Variants in PSG7 observed in about 807,000 individuals in gnomAD.
The protein encoded by PSG7 is pregnancy specific beta-1-glycoprotein 7.
PSG7 carries 57 observed loss-of-function variants against 45.6 expected under a neutral mutation model. The observed-to-expected ratio is 1.25, with a 90% confidence interval of 1.01 to 1.56. The LOEUF (loss-of-function observed/expected upper bound fraction) is 1.56. PSG7 is among the 40% of genes most tolerant of loss of function. PSG7 has a pLI of 0.00. For synonymous variants in PSG7, 298 were observed against 194.4 expected (o/e 1.53, Z -4.43); for missense variants, 796 against 508.4 (o/e 1.57, Z -5.44).
intron 2 of PSG7, among the ~76,000 whole-genome samples, chr19:42,931,465 A>G (rs1247866738): frequency 6.6e-6 from 1 of 151,622 alleles, no homozygotes; most frequent in Non-Finnish European, 1.5e-5. Flanking sequence ...GTGTTATGTT[A>G]GTAAATATAG....
intron 2 of PSG7, among the ~76,000 whole-genome samples, chr19:42,931,082 G>T (rs535714430): frequency 2.0e-5 from 3 of 151,444 alleles, no homozygotes; most frequent in African/African-American, 7.3e-5. Context: ...TTCTGGATTT[G>T]GGATGCTCAA....
At chr19:42,935,825 G>A (rs1156780421) in intron 1 of PSG7, 56 bp from the exon 2 acceptor site, 18 of 1,550,018 alleles carry the variant, frequency 1.2e-5, no homozygotes, top group Non-Finnish European at 1.5e-5. Flanking sequence ...GGGTTGAAAA[G>A]ATGGGCCCCT....
chr19:42,926,220 C>T (rs1972884163), intron 4 of PSG7, 193 bp from the exon 5 acceptor site: 4 of 1,387,754 alleles, frequency 2.9e-6, no homozygotes, highest in Non-Finnish European at 3.9e-6. Context: ...GGCCCCAAGT[C>T]TCCCATGACA....
intron 3 of PSG7, chr19:42,927,283 T>A (rs1341899605): frequency 1.3e-5 from 2 of 159,828 alleles, no homozygotes; most frequent in East Asian, 3.5e-4. Flanking sequence ...AGTTCAGTCA[T>A]CAGGCAGTGG....
chr19:42,933,303 A>ATTTTTTTTTTT (rs1418931958), intron 2 of PSG7, among the ~76,000 whole-genome samples: 3 of 14,846 alleles, frequency 2.0e-4, no homozygotes, highest in African/African-American at 3.5e-4. Context: ...ATATATATAT[A>ATTTTTTTTTTT]TATATTTTTT....
chr19:42,926,049 C>T, intron 4 of PSG7, 22 bp from the exon 5 acceptor site: 2 of 1,608,636 alleles, frequency 1.2e-6, no homozygotes, highest in Non-Finnish European at 1.7e-6. Context: ...AGAATAAAGC[C>T]ACAGGTGATG....
At chr19:42,933,282 TATATATATATATATATATA>T (rs1973063659) in intron 2 of PSG7, among the ~76,000 whole-genome samples, 4 of 7,388 alleles carry the variant, frequency 5.4e-4, no homozygotes, top group Non-Finnish European at 1.3e-3. Context: ...TATATATATA[TATATATATATATATATATA>T]TATATATTTT....
In PSG7 at chr19:42,929,696, G is replaced by T. The variant is rs750911254; in HGVS notation, c.455C>A (p.Ser152Tyr). The change falls in exon 3 of 6, where the codon TCC becomes TAC. Residue 152 changes from serine (S) to tyrosine (Y), a missense_variant. Transcript: ENST00000406070. Reference sequence around the variant, plus strand: ...CTCCCTGGGGTTGAAATTGCTGCTGGAGATGGAGGGTTTGGGAGTCTCCAC... The same window carrying T: ...CTCCCTGGGGTTGAAATTGCTGCTGTAGATGGAGGGTTTGGGAGTCTCCAC... Reference protein sequence around the residue: ...LYLETPKPSISSSNFNPREAT... With the variant: ...LYLETPKPSIYSSNFNPREAT... The T allele has an allele frequency of 1.9e-6, 3 of 1,612,214 alleles. No homozygotes were observed. The highest frequency in any genetic ancestry group is 2.2e-5 in the South Asian group (2 of 90,822).
intron 2 of PSG7, among the ~76,000 whole-genome samples, chr19:42,930,334 A>G (rs1408459270): frequency 2.0e-5 from 3 of 151,510 alleles, no homozygotes; most frequent in East Asian, 3.9e-4. Context: ...TCTCATAGTG[A>G]CTGACTTGAG....
chr19:42,933,293 ATATATATATATATATTTTT>A (rs1339255884), intron 2 of PSG7, among the ~76,000 whole-genome samples: 4 of 10,544 alleles, frequency 3.8e-4, no homozygotes, highest in South Asian at 5.2e-3. Context: ...ATATATATAT[ATATATATATATATATTTTT>A]TTTTTTTTTT....
In PSG7 at chr19:42,926,531, T is replaced by C. The variant is rs752275198; in HGVS notation, c.895A>G (p.Ser299Gly). Residue 299 changes from serine (S) to glycine (G), a missense_variant, in exon 4 of 6, where the codon AGT becomes GGT. Transcript: ENST00000406070. ...RIENRILILP[S>G]VTRNETGPYQ... ...GGTCCTGTTTCATTTCTCGTGACAC[T>C]GGGTAGAATGAGGATCCTGTTTTCA... 2 of 1,610,812 alleles carry C rather than the reference T, an allele frequency of 1.2e-6. No homozygotes were observed. The highest frequency in any genetic ancestry group is 1.7e-6 in the Non-Finnish European group (2 of 1,179,034).
rs183335250 is a variant in PSG7, at chr19:42,934,219, T to C, written c.430+1185A>G. Reference sequence around the variant, plus strand: ...CTGAGGGGGAGACCTGGACATTTTTTTTGCACTGACTCTGATGGTTGAGGC... The same window carrying C: ...CTGAGGGGGAGACCTGGACATTTTTCTTGCACTGACTCTGATGGTTGAGGC... On this transcript the variant is annotated intron_variant, in intron 2 of 5. Transcript: ENST00000406070. 1.9e-3 allele frequency among the ~76,000 whole-genome samples: 295 copies of C among 151,532 alleles called. 9 individuals are homozygous for C. The highest frequency in any genetic ancestry group is 7.0e-3 in the African/African-American group (287 of 41,260).
chr19:42,935,905 CACACACACAA>C lies in PSG7; in HGVS notation c.65-146_65-137del, dbSNP rs781126261. The C allele has an allele frequency of 4.8e-3, 5,798 of 1,220,512 alleles. 66 individuals are homozygous for C. The highest frequency in any genetic ancestry group is 4.5e-3 in the Non-Finnish European group (4,026 of 887,614). The allele number at this position is 1,220,512 out of a possible 1,614,324, so 75.6% of individuals were successfully genotyped here. Reference sequence around the variant, plus strand: ...ACACACACACACACACACACACACACACACACACAAACACACACACACACATATAAAAGGG... The same window carrying C: ...ACACACACACACACACACACACACACACACACACACACACATATAAAAGGG... On this transcript the variant is annotated intron_variant, in intron 1 of 5. Coordinates refer to ENST00000406070, the MANE Select transcript of PSG7 (RefSeq NM_002783.3).
chr19:42,932,029 A>AT lies in PSG7; in HGVS notation c.431-2310dup, dbSNP rs981955917. On this transcript the variant is annotated intron_variant, in intron 2 of 5. Coordinates refer to ENST00000406070, the MANE Select transcript of PSG7 (RefSeq NM_002783.3). ...AAGCATTCTTCATTTCTCAAACAGC[A>AT]TTTTTTTTTTCTGAGACAGAGTCTC... is the stretch of plus-strand genomic sequence containing the variant. Among the ~76,000 whole-genome samples, 323 of 147,218 alleles carry AT rather than the reference A, an allele frequency of 2.2e-3. 8 individuals are homozygous for AT. Among genetic ancestry groups the AT allele is most frequent in the African/African-American group, 7.0e-3 (279 of 40,102 alleles).
chr19:42,935,281 AC>A, intron 2 of PSG7, 122 bp downstream of exon 2: 1 of 1,508,886 alleles, frequency 6.6e-7, no homozygotes. Flanking sequence ...AAATGCCCAA[AC>A]CCCAGCATGG....
In PSG7 at chr19:42,925,830, C is replaced by A. The variant is rs147949753; in HGVS notation, c.1186G>T (p.Val396Phe). The change falls in exon 5 of 6, where the codon GTT becomes TTT. Residue 396 changes from valine to phenylalanine, a missense_variant. Coordinates refer to ENST00000406070, the MANE Select transcript of PSG7 (RefSeq NM_002783.3). ...TKHSGLYACS[V>F]RNSATGKESS... ...TCCTTGCCAGTGGCTGAGTTACGAA[C>A]AGAGCAAGCATAGAGCCCGCTATGC... is the stretch of plus-strand genomic sequence containing the variant. The A allele has an allele frequency of 6.2e-7, 1 of 1,612,038 alleles. No homozygotes were observed. Among genetic ancestry groups the A allele is most frequent in the Non-Finnish European group, 8.5e-7 (1 of 1,179,038 alleles).
chr19:42,928,725 TC>T (rs1175038653), intron 3 of PSG7, among the ~76,000 whole-genome samples: 1 of 151,360 alleles, frequency 6.6e-6, no homozygotes, highest in Non-Finnish European at 1.5e-5. Flanking sequence ...AGGTGGCTCT[TC>T]CCTGATAGCC....
chr19:42,925,941 T>G lies in PSG7; in HGVS notation c.1075A>C (p.Asn359His), dbSNP rs1381372530. 1 of 1,612,200 alleles carries G rather than the reference T, an allele frequency of 6.2e-7. No homozygotes were observed. Among genetic ancestry groups the G allele is most frequent in the Non-Finnish European group, 8.5e-7 (1 of 1,179,172 alleles). ...GTCCAAGAATACTGTGCCGGTGGGT[T>G]AGAGTCCGCAAAGCAGGACAAGTAG... ...NLYLSCFADS[N>H]PPAQYSWTIN... Residue 359 changes from asparagine to histidine, a missense_variant, in exon 5 of 6, where the codon AAC (asparagine) becomes CAC (histidine). Transcript: ENST00000406070.
At position 42,928,638 on chromosome 19, in the gene PSG7, G is replaced by A. The variant is rs562056732; in HGVS notation, c.709+804C>T. ...GATCTAGAAAGAGTGAAGGGTACAG[G>A]CAAAACCTGGTGGTTTTGGAGCAGA... On this transcript the variant is annotated intron_variant, in intron 3 of 5. Coordinates refer to ENST00000406070, the MANE Select transcript of PSG7 (RefSeq NM_002783.3). Among the ~76,000 whole-genome samples the A allele has an allele frequency of 4.0e-5, 6 of 151,460 alleles. No homozygotes were observed. The South Asian group carries it at 1.1e-3, about 27-fold the overall frequency.
Sources: gnomAD v4.1 joint callset for allele counts (sites outside exome capture counted in the v4.1 genomes callset) on GRCh38, gnomAD v4.1.1 for gene constraint, MANE v1.5 for transcripts, NCBI Gene and HGNC (gene_info 2026-07-23, HGNC 2026-07-21) for gene names.